The following HDAC9 variants were observed in gnomAD, a reference collection of about 807,000 sequenced individuals.
The protein encoded by HDAC9 is histone deacetylase 9.
In HDAC9, 41 loss-of-function variants were observed where a neutral mutation model predicts 139.4. The observed-to-expected ratio is 0.29, with a 90% CI of 0.23 to 0.38. HDAC9 has a LOEUF of 0.38. Among genes scored for constraint, HDAC9 ranks in the 10% least tolerant of loss-of-function variants. The probability of loss-of-function intolerance (pLI) is 1.00; values close to 1 mark genes in which losing one functional copy is unlikely to be tolerated. For synonymous variants in HDAC9, 517 were observed against 476.2 expected (o/e 1.09, Z -1.12); for missense variants, 1,147 against 1,297.0 (o/e 0.88, Z 1.78).
rs565483835 is a variant in HDAC9, at chr7:18,725,883, T to C, written c.1732-1697T>C. On this transcript the variant is annotated intron_variant, in intron 12 of 25. Transcript: ENST00000686413. ...ACTCTTGTAAAAGTGTATAAACCAT[T>C]GTAGCTAGAACTAGGTCCCTGACCA... Among the ~76,000 whole-genome samples the C allele has an allele frequency of 4.6e-5, 7 of 152,264 alleles. No homozygotes were observed. In the South Asian group the frequency reaches 1.5e-3, roughly 32 times the overall value.
intron 2 of HDAC9, among the ~76,000 whole-genome samples, chr7:18,225,913 G>T (rs938581648): frequency 3.2e-4 from 48 of 152,002 alleles, no homozygotes; most frequent in African/African-American, 1.1e-3. Context: ...AGTATTAACT[G>T]TTTTCTGTTA....
chr7:18,551,634 A>G lies in HDAC9; in HGVS notation c.23-33647A>G, dbSNP rs572412172. Among the ~76,000 whole-genome samples the G allele has an allele frequency of 7.9e-5, 12 of 152,362 alleles. No individual in the cohort carries two copies. In the East Asian group the frequency reaches 2.3e-3, roughly 29 times the overall value. On this transcript the variant is annotated intron_variant, in intron 2 of 25. Transcript: ENST00000686413. ...GTGCAAATGTGTATGATGTGATTCA[A>G]TATCTTCCTGTATCCCTAATTTTAT...
At chr7:18,294,867 G>T (rs1798041592) in intron 1 of HDAC9, among the ~76,000 whole-genome samples, 1 of 152,070 alleles carries the variant, frequency 6.6e-6, no homozygotes, top group Non-Finnish European at 1.5e-5. Flanking sequence ...GGGGTGTAGG[G>T]GCAGTGGACA....
intron 1 of HDAC9, among the ~76,000 whole-genome samples, chr7:18,106,619 A>AT (rs1231130694): frequency 6.6e-6 from 1 of 151,934 alleles, no homozygotes; most frequent in African/African-American, 2.4e-5. Context: ...CACCTGGCTA[A>AT]TTTTTTATAT....
upstream of HDAC9, among the ~76,000 whole-genome samples, chr7:18,287,107 T>C (rs1797499489): frequency 6.6e-6 from 1 of 152,206 alleles, no homozygotes; most frequent in African/African-American, 2.4e-5. Context: ...TTAATTTGTT[T>C]TGCCCATTTT....
intron 1 of HDAC9, among the ~76,000 whole-genome samples, chr7:18,099,815 A>G (rs1369040204): frequency 6.6e-6 from 1 of 152,222 alleles, no homozygotes; most frequent in Non-Finnish European, 1.5e-5. Flanking sequence ...TTTCTTACAT[A>G]TGTTATAAAG....
intron 19 of HDAC9, among the ~76,000 whole-genome samples, chr7:18,834,529 T>A (rs1431570187): frequency 1.7e-5 from 1 of 58,354 alleles, no homozygotes; most frequent in Non-Finnish European, 4.2e-5. Flanking sequence ...TATATCAGGC[T>A]TTTTTTTTTT....
chr7:18,218,366 C>G (rs1792457115), intron 2 of HDAC9, among the ~76,000 whole-genome samples: 1 of 152,040 alleles, frequency 6.6e-6, no homozygotes, highest in Non-Finnish European at 1.5e-5. Context: ...ACCACTTGAA[C>G]CTGGGAGATG....
At chr7:18,566,183 T>C (rs1160570749) in intron 2 of HDAC9, among the ~76,000 whole-genome samples, 2 of 152,258 alleles carry the variant, frequency 1.3e-5, no homozygotes, top group Non-Finnish European at 2.9e-5. Context: ...TTTTGCTATT[T>C]ATTATGGAAA....
chr7:18,862,622 G>T (rs1798195654), intron 21 of HDAC9, among the ~76,000 whole-genome samples: 4 of 152,060 alleles, frequency 2.6e-5, no homozygotes, highest in Admixed American at 2.6e-4. Context: ...TCTCCATCTG[G>T]TTCATACAGT....
chr7:18,908,641 G>A (rs1274999811), intron 22 of HDAC9, among the ~76,000 whole-genome samples: 1 of 151,778 alleles, frequency 6.6e-6, no homozygotes, highest in Non-Finnish European at 1.5e-5. Context: ...GAGATTGTGC[G>A]GTATTTATTT....
intron 2 of HDAC9, among the ~76,000 whole-genome samples, chr7:18,278,576 A>G (rs1350052449): frequency 6.6e-6 from 1 of 152,180 alleles, no homozygotes; most frequent in Non-Finnish European, 1.5e-5. Flanking sequence ...AGGGTTTTTC[A>G]GGGATTGGCA....
chr7:18,618,726 GTATATATA>G (rs71014394), intron 6 of HDAC9, among the ~76,000 whole-genome samples: 5,825 of 119,944 alleles, frequency 0.049, 233 homozygotes, highest in East Asian at 0.15. Flanking sequence ...ACAGAATTTT[GTATATATA>G]TATATATATA....
intron 1 of HDAC9, among the ~76,000 whole-genome samples, chr7:18,094,210 T>C (rs1171927507): frequency 6.6e-6 from 1 of 152,190 alleles, no homozygotes; most frequent in African/African-American, 2.4e-5. Flanking sequence ...ATACTACTGT[T>C]CTCAAAGAAG....
chr7:18,853,453 A>G (rs887431854), intron 21 of HDAC9, among the ~76,000 whole-genome samples: 3 of 152,182 alleles, frequency 2.0e-5, no homozygotes, highest in Admixed American at 2.0e-4. Flanking sequence ...ATGAGCATCA[A>G]TTGTAAGATA....
chr7:18,725,569 T>C (rs978603204), intron 12 of HDAC9, among the ~76,000 whole-genome samples: 4 of 152,100 alleles, frequency 2.6e-5, no homozygotes, highest in African/African-American at 9.7e-5. Context: ...GTATTAGAAG[T>C]TGGGTGATCA....
chr7:18,371,071 G>A (rs895342491), intron 1 of HDAC9, among the ~76,000 whole-genome samples: 6 of 152,154 alleles, frequency 3.9e-5, no homozygotes, highest in African/African-American at 1.4e-4. Flanking sequence ...CTTTCAGAAT[G>A]TCTGTCAGAA....
At chr7:18,744,012 GTTTTT>G (rs35414332) in intron 13 of HDAC9, among the ~76,000 whole-genome samples, 1 of 110,446 alleles carries the variant, frequency 9.1e-6, no homozygotes, top group Non-Finnish European at 1.8e-5. Flanking sequence ...TTTACTACTA[GTTTTT>G]TTTTTTTTTT....
chr7:18,905,834 T>C (rs926361973), intron 22 of HDAC9, among the ~76,000 whole-genome samples: 3 of 152,078 alleles, frequency 2.0e-5, no homozygotes, highest in African/African-American at 7.2e-5. Context: ...TTTATAGTTA[T>C]TTCTAATGCT....
Sources: allele counts gnomAD v4.1 joint callset (sites outside exome capture counted in the v4.1 genomes callset), GRCh38; gene constraint gnomAD v4.1.1; transcripts MANE v1.5; gene names NCBI Gene and HGNC (gene_info 2026-07-23, HGNC 2026-07-21).